Variants in WDR59 observed in about 807,000 individuals in gnomAD.
WDR59 encodes WD repeat domain 59.
WDR59 carries 100 observed loss-of-function variants against 131.2 expected under a neutral mutation model. The ratio of observed to expected loss-of-function variants is 0.76; its 90% confidence interval spans 0.65 to 0.90. The LOEUF (loss-of-function observed/expected upper bound fraction) is 0.90. WDR59 is among the 40% of genes least tolerant of loss of function. The pLI, the probability that WDR59 is intolerant of heterozygous loss-of-function variation, is 0.00. For synonymous variants in WDR59, 601 were observed against 466.2 expected, an observed-to-expected ratio of 1.29 and a Z score of -3.72; for missense variants, 1,203 against 1,262.2, an observed-to-expected ratio of 0.95 and a Z score of 0.71.
chr16:74,937,647 G>A (rs1385933720), intron 8 of WDR59, among the ~76,000 whole-genome samples: 1 of 152,072 alleles, frequency 6.6e-6, no homozygotes, highest in Non-Finnish European at 1.5e-5. Context: ...AATTACAGGT[G>A]TGCGCCACCA....
chr16:74,970,884 C>CT (rs201564936), intron 1 of WDR59, among the ~76,000 whole-genome samples: 4 of 149,930 alleles, frequency 2.7e-5, no homozygotes, highest in African/African-American at 7.5e-5. Flanking sequence ...TAAACCACAC[C>CT]TTTTAAAAAA....
intron 8 of WDR59, among the ~76,000 whole-genome samples, chr16:74,924,709 A>C (rs974357427): frequency 2.6e-5 from 4 of 152,234 alleles, no homozygotes; most frequent in African/African-American, 9.6e-5. Flanking sequence ...GAAAGCCAAG[A>C]GTGAAACTCG....
intron 8 of WDR59, among the ~76,000 whole-genome samples, chr16:74,924,898 G>A (rs1406540328): frequency 6.6e-6 from 1 of 152,004 alleles, no homozygotes; most frequent in African/African-American, 2.4e-5. Flanking sequence ...TGGGATTACA[G>A]GTATGAACTA....
intron 21 of WDR59, among the ~76,000 whole-genome samples, chr16:74,889,291 A>G (rs990677392): frequency 5.3e-5 from 8 of 152,220 alleles, no homozygotes; most frequent in African/African-American, 1.9e-4. Context: ...AAATTGCCTA[A>G]CAGGGTGAAA....
chr16:74,917,801 G>A (rs966450253), intron 11 of WDR59, 128 bp downstream of exon 11: 18 of 698,964 alleles, frequency 2.6e-5, no homozygotes, highest in Middle Eastern at 3.1e-4. Context: ...TCAGTGAGAC[G>A]CACTCTCAAA....
At chr16:74,981,610 T>C (rs571650288) in intron 1 of WDR59, among the ~76,000 whole-genome samples, 772 of 76,692 alleles carry the variant, frequency 0.01, 13 homozygotes, top group African/African-American at 0.043. Flanking sequence ...ACATATACAT[T>C]TACATATATA....
intron 5 of WDR59, among the ~76,000 whole-genome samples, chr16:74,948,944 G>C (rs2032820580): frequency 6.6e-6 from 1 of 152,120 alleles, no homozygotes; most frequent in Non-Finnish European, 1.5e-5. Context: ...GTTGCAGTGA[G>C]CCAAGATCGT....
At chr16:74,890,809 C>T (rs1487241419) in intron 20 of WDR59, among the ~76,000 whole-genome samples, 1 of 152,088 alleles carries the variant, frequency 6.6e-6, no homozygotes, top group Non-Finnish European at 1.5e-5. Flanking sequence ...GTTCCCACCC[C>T]CTCAATACCT....
At chr16:74,941,517 AC>A (rs2032224959) in intron 7 of WDR59, among the ~76,000 whole-genome samples, 1 of 151,580 alleles carries the variant, frequency 6.6e-6, no homozygotes, top group African/African-American at 2.4e-5. Flanking sequence ...AACATGTGAA[AC>A]CCCATCTCTA....
intron 1 of WDR59, among the ~76,000 whole-genome samples, chr16:74,976,417 A>C (rs1263542642): frequency 6.6e-6 from 1 of 151,718 alleles, no homozygotes; most frequent in Non-Finnish European, 1.5e-5. Flanking sequence ...AATCTAGGAT[A>C]CGAACGTTTT....
Position 74,909,905 on chromosome 16 carries a change from T to G in WDR59, c.1402A>C (p.Thr468Pro). The change falls in exon 15 of 26, where the codon ACA (threonine) becomes CCA (proline). Residue 468 changes from threonine (T) to proline (P), a missense_variant. By Grantham distance (38) the Thr-to-Pro change is conservative (BLOSUM62 -1). Transcript: ENST00000262144. The stretch of plus-strand genomic sequence containing the variant: ...CCACGCTTCACTTTCTGCAGGGCTG[T>G]GTCCTTCAGGATCTAGAAAAGGCCC... ...KAKLLKILKD[T>P]ALQKVKRGQS... 6.2e-7 allele frequency: 1 copy of G among 1,611,652 alleles called. No homozygotes were observed. The highest frequency in any genetic ancestry group is 8.5e-7 in the Non-Finnish European group (1 of 1,179,664).
chr16:74,875,986 A>G (rs1008008607), intron 25 of WDR59, among the ~76,000 whole-genome samples: 2 of 151,514 alleles, frequency 1.3e-5, no homozygotes, highest in African/African-American at 4.9e-5. Flanking sequence ...CTCTTCCCTC[A>G]TGCCTTTTCT....
At position 74,888,314 on chromosome 16, in the gene WDR59, G is replaced by T. The variant is rs1964871702; in HGVS notation, c.2201C>A (p.Ala734Asp). Residue 734 changes from alanine (A) to aspartate (D), a missense_variant, in exon 22 of 26, where the codon GCT (alanine) becomes GAT (aspartate). By Grantham distance (126) the Ala-to-Asp change is moderately radical. Transcript: ENST00000262144. Reference sequence around the variant, plus strand: ...AACATCCCGGAGCCGGCAATAGTGAGCCAACCTGAGGAAAAGATAAGAGGA... The same window carrying T: ...AACATCCCGGAGCCGGCAATAGTGATCCAACCTGAGGAAAAGATAAGAGGA... ...FGRQLLESLL[A>D]HYCRLRDVQT... 1 of 1,611,374 alleles carries T rather than the reference G, an allele frequency of 6.2e-7. No homozygotes were observed. Among genetic ancestry groups the T allele is most frequent in the African/African-American group, 1.3e-5 (1 of 74,728 alleles).
At chr16:74,891,184 T>C (rs7203654) in intron 20 of WDR59, among the ~76,000 whole-genome samples, 7,820 of 151,512 alleles carry the variant, frequency 0.052, 696 homozygotes, top group African/African-American at 0.18. Flanking sequence ...CAGCATTGTA[T>C]GCCCATTAAC....
intron 25 of WDR59, among the ~76,000 whole-genome samples, chr16:74,883,020 C>CTTTTT (rs948092826): frequency 1.8e-4 from 20 of 111,270 alleles, no homozygotes; most frequent in East Asian, 2.5e-4. Context: ...TTGTTTTTTG[C>CTTTTT]TTTTTTTTTT....
At chr16:74,940,105 G>A (rs974118709) in intron 7 of WDR59, among the ~76,000 whole-genome samples, 11 of 152,100 alleles carry the variant, frequency 7.2e-5, no homozygotes, top group Admixed American at 1.3e-4. Flanking sequence ...CTGGCCAGGC[G>A]CAGTGGCTCA....
chr16:74,959,641 G>C (rs1052557692), intron 2 of WDR59: 1 of 416,324 alleles, frequency 2.4e-6, no homozygotes, highest in Non-Finnish European at 4.7e-6. Context: ...AATTAGCCAG[G>C]TGTGGTGACA....
intron 14 of WDR59, 78 bp downstream of exon 14, chr16:74,912,120 A>C (rs748680858): frequency 3.8e-6 from 6 of 1,585,102 alleles, no homozygotes; most frequent in Non-Finnish European, 5.2e-6. Flanking sequence ...CATCTACTGG[A>C]GTTTTCATTC....
intron 2 of WDR59, among the ~76,000 whole-genome samples, chr16:74,963,754 A>C (rs1436721712): frequency 6.6e-6 from 1 of 152,008 alleles, no homozygotes; most frequent in Non-Finnish European, 1.5e-5. Flanking sequence ...ATTAAATTAA[A>C]TTTTTTTTAA....
Sources: allele counts gnomAD v4.1 joint callset (sites outside exome capture counted in the v4.1 genomes callset), GRCh38; gene constraint gnomAD v4.1.1; transcripts MANE v1.5; gene names NCBI Gene and HGNC (gene_info 2026-07-23, HGNC 2026-07-21).